The following GNG7 variants were observed in gnomAD, a reference collection of about 807,000 sequenced individuals.
GNG7 encodes the protein G protein subunit gamma 7, also known as guanine nucleotide-binding protein G(I)/G(S)/G(O) subunit gamma-7.
GNG7 carries 1 observed loss-of-function variant against 4.0 expected under a neutral mutation model. The ratio of observed to expected loss-of-function variants is 0.25; its 90% CI spans 0.09 to 1.18. The LOEUF (loss-of-function observed/expected upper bound fraction) is 1.18. Ranked by LOEUF, GNG7 falls within the 50% of genes most tolerant of loss-of-function variation. GNG7 has a pLI of 0.50. For synonymous variants in GNG7, 34 were observed against 36.9 expected (o/e 0.92, Z 0.29); for missense variants, 86 against 91.9 (o/e 0.94, Z 0.26).
chr19:2,600,578 T>C (rs1261259511), intron 2 of GNG7, among the ~76,000 whole-genome samples: 1 of 151,622 alleles, frequency 6.6e-6, no homozygotes, highest in African/African-American at 2.4e-5. Context: ...TTCAAGTGAT[T>C]CTCCTGCCTC....
chr19:2,577,302 C>T (rs1980371437), intron 2 of GNG7, among the ~76,000 whole-genome samples: 1 of 152,162 alleles, frequency 6.6e-6, no homozygotes, highest in South Asian at 2.1e-4. Flanking sequence ...ATCCAAGGCT[C>T]GCCCGGGGAA....
intron 2 of GNG7, among the ~76,000 whole-genome samples, chr19:2,562,050 C>T (rs796904523): frequency 1.2e-4 from 18 of 151,990 alleles, no homozygotes; most frequent in Admixed American, 7.9e-4. Flanking sequence ...CCCCTTCCTC[C>T]GACATTTCTC....
intron 1 of GNG7, among the ~76,000 whole-genome samples, chr19:2,688,521 C>T (rs1006219463): frequency 2.0e-5 from 3 of 152,120 alleles, no homozygotes; most frequent in Admixed American, 2.0e-4. Flanking sequence ...ACCCGTAACC[C>T]CGGTCTGATC....
At chr19:2,661,300 AAG>A (rs377379984) in intron 1 of GNG7, among the ~76,000 whole-genome samples, 14,806 of 37,756 alleles carry the variant, frequency 0.39, 1,844 homozygotes, top group South Asian at 0.52. Context: ...GAAAGAAAGA[AAG>A]AGAAAGAAAG....
chr19:2,692,089 A>G (rs1486638281), intron 1 of GNG7, among the ~76,000 whole-genome samples: 1 of 152,102 alleles, frequency 6.6e-6, no homozygotes, highest in African/African-American at 2.4e-5. Context: ...GAACCATGAG[A>G]CAATACATTT....
intron 3 of GNG7, among the ~76,000 whole-genome samples, chr19:2,545,435 G>A (rs1290595008): frequency 3.3e-5 from 5 of 151,954 alleles, no homozygotes; most frequent in East Asian, 1.9e-4. Context: ...ATCACTTGAC[G>A]TCAGGGGTTC....
At chr19:2,535,217 A>G (rs1978697373) in intron 3 of GNG7, among the ~76,000 whole-genome samples, 1 of 151,642 alleles carries the variant, frequency 6.6e-6, no homozygotes, top group Non-Finnish European at 1.5e-5. Context: ...GGCTGGGTGC[A>G]GTGGCTCATG....
intron 1 of GNG7, among the ~76,000 whole-genome samples, chr19:2,686,573 A>G (rs1461410500): frequency 6.6e-6 from 1 of 152,074 alleles, no homozygotes; most frequent in East Asian, 1.9e-4. Flanking sequence ...CCCGCAACAC[A>G]TTCGGGACCG....
At chr19:2,632,671 G>A (rs907052192) in intron 2 of GNG7, 1 of 152,210 alleles carries the variant, frequency 6.6e-6, no homozygotes, top group African/African-American at 2.4e-5. Flanking sequence ...CAGAGTCCCT[G>A]GCCTCCACCC....
At chr19:2,589,463 G>A (rs933561444) in intron 2 of GNG7, among the ~76,000 whole-genome samples, 8 of 141,138 alleles carry the variant, frequency 5.7e-5, no homozygotes, top group Admixed American at 3.0e-4. Context: ...CAAGTGATCC[G>A]TCCGCCTTGG....
intron 3 of GNG7, chr19:2,538,369 T>C: frequency 2.3e-6 from 1 of 433,598 alleles, no homozygotes; most frequent in Non-Finnish European, 4.7e-6. Flanking sequence ...ATGCCTGTGA[T>C]CCTACCACTT....
At chr19:2,591,037 T>C (rs556711649) in intron 2 of GNG7, among the ~76,000 whole-genome samples, 1 of 152,364 alleles carries the variant, frequency 6.6e-6, no homozygotes, top group Non-Finnish European at 1.5e-5. Context: ...TTATTCTTAC[T>C]CATTTTAAAA....
chr19:2,559,162 A>G (rs566652813), intron 2 of GNG7, among the ~76,000 whole-genome samples: 8 of 152,154 alleles, frequency 5.3e-5, no homozygotes, highest in Admixed American at 1.3e-4. Flanking sequence ...ATATATATAC[A>G]TATACATATA....
At chr19:2,589,903 C>A (rs1198460182) in intron 2 of GNG7, among the ~76,000 whole-genome samples, 2 of 152,158 alleles carry the variant, frequency 1.3e-5, no homozygotes, top group Admixed American at 1.3e-4. Context: ...CCTCCACCTC[C>A]CGGGTTCAAG....
In GNG7 at chr19:2,623,868, G is replaced by A. The variant is rs545894750; in HGVS notation, c.-78+22356C>T. The stretch of plus-strand genomic sequence containing the variant: ...TGCACTCCAGCCTGGGCCACAGAGC[G>A]AGACTGCATCTAAAAGAAAAGGACA... On this transcript the variant is annotated intron_variant, in intron 2 of 4. Transcript: ENST00000382159. 7.9e-5 allele frequency among the ~76,000 whole-genome samples: 12 copies of A among 152,270 alleles called. No individual in the cohort carries two copies. In the East Asian group the frequency reaches 1.4e-3, roughly 17 times the overall value.
rs1568277819 is a variant in GNG7, at chr19:2,661,304, G to GAAAGAAAGAA, written c.-134-15034_-134-15025dup. ...AAAGAAAGAAAGAAAGAAAGAAAGA[G>GAAAGAAAGAA]AAAGAAAGAAAGAAAGAAAGAAAGA... On this transcript the variant is annotated intron_variant, in intron 1 of 4. Coordinates refer to ENST00000382159, the MANE Select transcript of GNG7 (RefSeq NM_052847.3). Among the ~76,000 whole-genome samples, 123 of 87,044 alleles carry GAAAGAAAGAA rather than the reference G, an allele frequency of 1.4e-3. 2 individuals carry two copies. Among genetic ancestry groups the GAAAGAAAGAA allele is most frequent in the Admixed American group, 2.2e-3 (20 of 8,988 alleles). 57.1% of individuals were successfully genotyped at this position (87,044 alleles called of 152,430 possible).
At chr19:2,552,502 A>G (rs1252038123) in intron 3 of GNG7, among the ~76,000 whole-genome samples, 1 of 151,992 alleles carries the variant, frequency 6.6e-6, no homozygotes, top group Admixed American at 6.6e-5. Context: ...CTCCTACCTC[A>G]GCCTCCCAAG....
chr19:2,643,708 G>A (rs1335885623), intron 2 of GNG7: 3 of 450,878 alleles, frequency 6.7e-6, no homozygotes, highest in Non-Finnish European at 1.3e-5. Flanking sequence ...CAGCTTCACT[G>A]GGGTGCAGTT....
At chr19:2,700,306 T>C (rs1023565221) in intron 1 of GNG7, among the ~76,000 whole-genome samples, 4 of 152,096 alleles carry the variant, frequency 2.6e-5, no homozygotes, top group African/African-American at 9.7e-5. Flanking sequence ...TATGCCCAGC[T>C]AATTTTTGAT....
Sources: allele counts gnomAD v4.1 joint callset (sites outside exome capture counted in the v4.1 genomes callset), GRCh38; gene constraint gnomAD v4.1.1; transcripts MANE v1.5; gene names NCBI Gene and HGNC (gene_info 2026-07-23, HGNC 2026-07-21).